NRG3: variants seen among roughly 807,000 people sequenced by gnomAD.
NRG3 encodes the protein pro-neuregulin-3, membrane-bound isoform.
Under a neutral mutation model 66.9 loss-of-function variants are expected in NRG3, and 31 were observed. The observed-to-expected ratio is 0.46, with a 90% CI of 0.35 to 0.63. NRG3 has a LOEUF of 0.63. Among genes scored for constraint, NRG3 ranks in the 20% least tolerant of loss-of-function variants. The pLI, the probability that NRG3 is intolerant of heterozygous loss-of-function variation, is 0.00. For missense variants in NRG3, 910 were observed against 878.9 expected (o/e 1.04, Z -0.45); for synonymous variants, 393 against 359.4 (o/e 1.09, Z -1.06).
At chr10:82,153,626 G>T (rs2070954167) in intron 1 of NRG3, among the ~76,000 whole-genome samples, 1 of 151,882 alleles carries the variant, frequency 6.6e-6, no homozygotes, top group Non-Finnish European at 1.5e-5. Flanking sequence ...ATTTGGGGCG[G>T]GGGAACCACT....
At chr10:82,163,448 C>G (rs983917483) in intron 1 of NRG3, among the ~76,000 whole-genome samples, 12 of 152,124 alleles carry the variant, frequency 7.9e-5, no homozygotes, top group African/African-American at 2.9e-4. Flanking sequence ...CAACCAGATA[C>G]CAACTACAAT....
chr10:82,893,938 A>G (rs1843410618), intron 4 of NRG3, among the ~76,000 whole-genome samples: 1 of 152,198 alleles, frequency 6.6e-6, no homozygotes, highest in Non-Finnish European at 1.5e-5. Context: ...TAAAGAGAGG[A>G]TCAGATGAGA....
chr10:82,669,719 G>A (rs1232809146), intron 2 of NRG3, among the ~76,000 whole-genome samples: 1 of 152,138 alleles, frequency 6.6e-6, no homozygotes, highest in East Asian at 1.9e-4. Context: ...ACGAGGTCAG[G>A]AGATCGAGAG....
intron 2 of NRG3, among the ~76,000 whole-genome samples, chr10:82,542,490 G>A (rs2043611573): frequency 6.6e-6 from 1 of 152,072 alleles, no homozygotes. Flanking sequence ...CAAATGGTAA[G>A]GAATCACATA....
At chr10:82,916,490 C>G (rs1029259085) in intron 4 of NRG3, among the ~76,000 whole-genome samples, 2 of 152,100 alleles carry the variant, frequency 1.3e-5, no homozygotes, top group Non-Finnish European at 2.9e-5. Flanking sequence ...ATAAAAATTT[C>G]TGTACAGCAA....
chr10:82,857,233 G>A (rs1296143307), intron 3 of NRG3, among the ~76,000 whole-genome samples: 1 of 152,180 alleles, frequency 6.6e-6, no homozygotes, highest in Non-Finnish European at 1.5e-5. Context: ...ATGGCTGCCT[G>A]CTTCTCCCCA....
intron 2 of NRG3, among the ~76,000 whole-genome samples, chr10:82,436,166 G>A (rs2090128710): frequency 6.6e-6 from 1 of 152,124 alleles, no homozygotes; most frequent in Non-Finnish European, 1.5e-5. Context: ...TATTGTGTGG[G>A]AGTCTAGGTC....
In NRG3 at chr10:82,937,471, G is replaced by A. The variant is rs144081114; in HGVS notation, c.1055-13998G>A. Among the ~76,000 whole-genome samples, 749 of 152,322 alleles carry A rather than the reference G, an allele frequency of 4.9e-3. 9 individuals carry two copies. Among genetic ancestry groups the A allele is most frequent in the African/African-American group, 0.017 (706 of 41,576 alleles). ...TCAGTCTGCACTATTCAACGTGGTA[G>A]CCACAAACATGTGATGGTCATTAAA... On this transcript the variant is annotated intron_variant, in intron 4 of 8. Coordinates refer to ENST00000372141, the MANE Select transcript of NRG3 (RefSeq NM_001010848.4).
chr10:82,658,420 T>C (rs2052042348), intron 2 of NRG3, among the ~76,000 whole-genome samples: 1 of 152,152 alleles, frequency 6.6e-6, no homozygotes, highest in Non-Finnish European at 1.5e-5. Context: ...ATGGCATTTA[T>C]GAAAAATCTA....
At chr10:82,958,000 G>A (rs560363787) in intron 5 of NRG3, among the ~76,000 whole-genome samples, 6 of 152,180 alleles carry the variant, frequency 3.9e-5, no homozygotes, top group Non-Finnish European at 8.8e-5. Flanking sequence ...CTGCTGCTAA[G>A]GCAGTGGTTT....
intron 1 of NRG3, among the ~76,000 whole-genome samples, chr10:82,300,389 CA>C: frequency 6.6e-6 from 1 of 152,126 alleles, no homozygotes; most frequent in East Asian, 1.9e-4. Context: ...TACCCATAAT[CA>C]AAAGTTTTAA....
chr10:82,078,256 A>C (rs942506943), intron 1 of NRG3, among the ~76,000 whole-genome samples: 1 of 152,184 alleles, frequency 6.6e-6, no homozygotes, highest in Non-Finnish European at 1.5e-5. Flanking sequence ...AGTTTTCCTC[A>C]GAGTAGGAAA....
At chr10:82,290,296 T>C (rs757731756) in intron 1 of NRG3, among the ~76,000 whole-genome samples, 1 of 152,210 alleles carries the variant, frequency 6.6e-6, no homozygotes, top group African/African-American at 2.4e-5. Context: ...TGTTAAAATT[T>C]CAGCAATAAC....
chr10:81,890,892 C>T (rs1842956279), intron 1 of NRG3, among the ~76,000 whole-genome samples: 1 of 152,154 alleles, frequency 6.6e-6, no homozygotes, highest in Non-Finnish European at 1.5e-5. Flanking sequence ...CTGAAGTTTG[C>T]CACTGAATTT....
intron 3 of NRG3, among the ~76,000 whole-genome samples, chr10:82,801,366 C>T (rs774467823): frequency 3.9e-5 from 6 of 152,222 alleles, no homozygotes; most frequent in East Asian, 1.9e-4. Flanking sequence ...CCATCAGCTT[C>T]CTTATGTGTT....
At chr10:82,483,341 C>T (rs1161624068) in intron 2 of NRG3, among the ~76,000 whole-genome samples, 2 of 152,198 alleles carry the variant, frequency 1.3e-5, no homozygotes, top group Non-Finnish European at 1.5e-5. Flanking sequence ...TCCTTCTGCC[C>T]TTTAAAGGGT....
At chr10:82,946,438 C>G (rs1397452628) in intron 4 of NRG3, among the ~76,000 whole-genome samples, 5 of 151,782 alleles carry the variant, frequency 3.3e-5, no homozygotes, top group African/African-American at 1.2e-4. Context: ...GCTCGGGAGG[C>G]TGAGGCAGGA....
intron 2 of NRG3, among the ~76,000 whole-genome samples, chr10:82,686,332 C>G (rs184020410): frequency 6.6e-6 from 1 of 151,880 alleles, no homozygotes; most frequent in Non-Finnish European, 1.5e-5. Flanking sequence ...GAATTATAGG[C>G]GCCCACCGCT....
intron 4 of NRG3, among the ~76,000 whole-genome samples, chr10:82,937,428 A>C (rs1435489512): frequency 2.0e-5 from 3 of 152,226 alleles, no homozygotes; most frequent in Non-Finnish European, 4.4e-5. Flanking sequence ...CTGGGAACAG[A>C]TCTGTGCTTT....
Sources: allele counts gnomAD v4.1 joint callset (sites outside exome capture counted in the v4.1 genomes callset), GRCh38; gene constraint gnomAD v4.1.1; transcripts MANE v1.5; gene names NCBI Gene and HGNC (gene_info 2026-07-23, HGNC 2026-07-21).